The following IFI44L variants were observed in gnomAD, a reference collection of about 807,000 sequenced individuals.
IFI44L encodes interferon induced protein 44 like.
Under a neutral mutation model 39.3 loss-of-function variants are expected in IFI44L, and 40 were observed. The observed-to-expected ratio is 1.02, with a 90% CI of 0.79 to 1.33. IFI44L has a LOEUF of 1.33. IFI44L is among the 40% of genes most tolerant of loss of function. The pLI, the probability that IFI44L is intolerant of heterozygous loss-of-function variation, is 0.00. For synonymous variants in IFI44L, 198 were observed against 182.3 expected (o/e 1.09, Z -0.69); for missense variants, 623 against 549.0 (o/e 1.13, Z -1.35).
chr1:78,631,045 C>T (rs892594091), intron 4 of IFI44L, among the ~76,000 whole-genome samples: 17 of 152,076 alleles, frequency 1.1e-4, no homozygotes, highest in Admixed American at 9.2e-4. Context: ...AGATACTACT[C>T]AGGACAAAAT....
rs1647002497 is a variant in IFI44L at position 78,642,722 on chromosome 1, A to G, written c.*913A>G. 1 of 152,216 alleles carries G rather than the reference A, an allele frequency of 6.6e-6. No homozygotes were observed. The highest frequency in any genetic ancestry group is 1.5e-5 in the Non-Finnish European group (1 of 68,024). The allele number at this position is 152,216 out of a possible 1,614,324, so 9.4% of individuals were successfully genotyped here. ...TGAATGACTCTAAGTAATTGAATTA[A>G]TTAAAATGAGCCAACTTTTTTTTAA... is the stretch of plus-strand genomic sequence containing the variant. On this transcript the variant is annotated 3_prime_UTR_variant, in exon 9 of 9. Coordinates refer to ENST00000370751, the MANE Select transcript of IFI44L (RefSeq NM_006820.4).
Position 78,645,001 on chromosome 1 carries a change from A to G in IFI44L, c.*3192A>G, listed in dbSNP as rs1410832870. On this transcript the variant is annotated 3_prime_UTR_variant, in exon 9 of 9. Transcript: ENST00000370751. ...TGAGTTCTATGAGGTATGCAGGCCC[A>G]GAGAGACATAAGTATGTTCCTTTAG... is the stretch of plus-strand genomic sequence containing the variant. 1.3e-5 allele frequency: 2 copies of G among 152,224 alleles called. No homozygotes were observed. The highest frequency in any genetic ancestry group is 1.3e-4 in the Admixed American group (2 of 15,276). 9.4% of individuals were successfully genotyped at this position (152,224 alleles called of 1,614,324 possible).
intron 1 of IFI44L, among the ~76,000 whole-genome samples, chr1:78,625,469 A>T (rs910382585): frequency 3.3e-5 from 5 of 152,018 alleles, no homozygotes; most frequent in African/African-American, 1.2e-4. Flanking sequence ...CATTTATTGC[A>T]TCTGGACTGA....
Position 78,641,464 on chromosome 1 carries a change from T to G in IFI44L, c.1179T>G (p.Ile393Met), listed in dbSNP as rs565080810. 103 of 1,613,616 alleles carry G rather than the reference T, an allele frequency of 6.4e-5. 1 individual carries two copies. The South Asian group carries it at 1.0e-3, about 16-fold the overall frequency. ...TGAATGTCCATAAAATGCTAGGCAT[T>G]CCTATTTCCAATATTTTGATGGTTG... is the stretch of plus-strand genomic sequence containing the variant. ...RVMNVHKMLGIPISNILMVGN... is the reference protein window; with the variant it reads ...RVMNVHKMLGMPISNILMVGN... The change falls in exon 8 of 9, where the codon ATT (isoleucine) becomes ATG (methionine). Residue 393 changes from isoleucine to methionine, a missense_variant. Transcript: ENST00000370751.
In IFI44L at chr1:78,643,649, G is replaced by GT. The variant is rs1647013451; in HGVS notation, c.*1842dup. The GT allele has an allele frequency of 2.2e-5, 2 of 90,522 alleles. No individual in the cohort carries two copies. The highest frequency in any genetic ancestry group is 3.1e-5 in the African/African-American group (1 of 32,250). 5.6% of individuals were successfully genotyped at this position (90,522 alleles called of 1,614,324 possible). On this transcript the variant is annotated 3_prime_UTR_variant, in exon 9 of 9. Transcript: ENST00000370751. ...TTGTTTGTTTTGTTTTTTTTTTGTT[G>GT]TTGTTTTTTTTTTTTTTTGTTTTTT...
Position 78,625,341 on chromosome 1 carries a change from A to G in IFI44L, c.-10-2565A>G, listed in dbSNP as rs1210408130. ...TTTAAAAATAGCTATGAGATAGTCA[A>G]ATTTTGTATTTACTTTTATGTCAGC... On this transcript the variant is annotated intron_variant, in intron 1 of 8. Coordinates refer to ENST00000370751, the MANE Select transcript of IFI44L (RefSeq NM_006820.4). Among the ~76,000 whole-genome samples, 4 of 152,066 alleles carry G rather than the reference A, an allele frequency of 2.6e-5. No individual in the cohort carries two copies. In the East Asian group the frequency reaches 7.7e-4, roughly 29 times the overall value.
In IFI44L at chr1:78,637,152, T is replaced by C. The variant is rs1463453170; in HGVS notation, c.997T>C (p.Ser333Pro). Reference sequence around the variant, plus strand: ...CATCAACTCTATTGACAATCTCTACTCTAAAATGTTGGCAAAAGTGAAGCA... The same window carrying C: ...CATCAACTCTATTGACAATCTCTACCCTAAAATGTTGGCAAAAGTGAAGCA... ...LDINSIDNLY[S>P]KMLAKVKQVH... is the part of the protein sequence containing the mutation. The change falls in exon 6 of 9, where the codon TCT (serine) becomes CCT (proline). Residue 333 changes from serine (S) to proline (P), a missense_variant. Physicochemically the swap from Ser to Pro is moderately conservative, Grantham distance 74. Transcript: ENST00000370751. 1 of 1,609,720 alleles carries C rather than the reference T, an allele frequency of 6.2e-7. No individual in the cohort carries two copies. Among genetic ancestry groups the C allele is most frequent in the East Asian group, 2.2e-5 (1 of 44,682 alleles).
At position 78,643,160 on chromosome 1, in the gene IFI44L, T is replaced by TTTTTTTTTTTTTTTTTTTTTTGAG. The variant is rs1367397714; in HGVS notation, c.*1351_*1352insTTTTTTTTTTTTTTTTTTTTTGAG. 1.3e-5 allele frequency: 2 copies of TTTTTTTTTTTTTTTTTTTTTTGAG among 151,870 alleles called. No individual in the cohort carries two copies. The highest frequency in any genetic ancestry group is 2.9e-5 in the Non-Finnish European group (2 of 67,976). The allele number at this position is 151,870 out of a possible 1,614,324, so 9.4% of individuals were successfully genotyped here. ...AGATATTAAGAAAGCAAGAGTTTCT[T>TTTTTTTTTTTTTTTTTTTTTTGAG]ATGTCCAGTTATGGAATATTTCCTA... On this transcript the variant is annotated 3_prime_UTR_variant, in exon 9 of 9. Coordinates refer to ENST00000370751, the MANE Select transcript of IFI44L (RefSeq NM_006820.4).
chr1:78,627,036 A>G (rs1652515583), intron 1 of IFI44L: 1 of 151,962 alleles, frequency 6.6e-6, no homozygotes. Context: ...TATGATTTTT[A>G]TCTCCCTAAC....
intron 1 of IFI44L, among the ~76,000 whole-genome samples, chr1:78,624,916 G>T (rs1265844178): frequency 6.6e-6 from 1 of 152,012 alleles, no homozygotes; most frequent in Admixed American, 6.6e-5. Flanking sequence ...GTTATCTTGC[G>T]GTTCTTGCAG....
In IFI44L at chr1:78,641,450, A is replaced by G. The variant is rs1646982820; in HGVS notation, c.1165A>G (p.Lys389Glu). ...TSQSRVMNVHKMLGIPISNIL... is the reference protein window; with the variant it reads ...TSQSRVMNVHEMLGIPISNIL... ...CTTTCCACAGGTCATGAATGTCCAT[A>G]AAATGCTAGGCATTCCTATTTCCAA... is the stretch of plus-strand genomic sequence containing the variant. Residue 389 changes from lysine to glutamate, a missense_variant, in exon 8 of 9, where the codon AAA (lysine) becomes GAA (glutamate). By Grantham distance (56) the Lys-to-Glu change is moderately conservative. Coordinates refer to ENST00000370751, the MANE Select transcript of IFI44L (RefSeq NM_006820.4). The G allele has an allele frequency of 6.2e-7, 1 of 1,613,456 alleles. No individual in the cohort carries two copies. The highest frequency in any genetic ancestry group is 8.5e-7 in the Non-Finnish European group (1 of 1,179,522).
At chr1:78,640,313 T>A (rs1379414958) in intron 6 of IFI44L, among the ~76,000 whole-genome samples, 5 of 152,132 alleles carry the variant, frequency 3.3e-5, no homozygotes, top group Non-Finnish European at 7.4e-5. Context: ...AACTGAGAAC[T>A]GCTCTCTACC....
At chr1:78,639,108 C>T (rs1653059151) in intron 6 of IFI44L, among the ~76,000 whole-genome samples, 1 of 152,000 alleles carries the variant, frequency 6.6e-6, no homozygotes, top group African/African-American at 2.4e-5. Flanking sequence ...TTAATGAAGG[C>T]TAAAGTTCCA....
At chr1:78,638,126 C>T (rs1054532649) in intron 6 of IFI44L, among the ~76,000 whole-genome samples, 1 of 152,072 alleles carries the variant, frequency 6.6e-6, no homozygotes, top group Non-Finnish European at 1.5e-5. Flanking sequence ...AATTCCTTAA[C>T]TCTTCTAATA....
rs1647016389 is a variant in IFI44L at position 78,643,838 on chromosome 1, A to G, written c.*2029A>G. Reference sequence around the variant, plus strand: ...AGGGAAGTTAGTGCCTTGTGACCACATCTATGTGACTTTTAGGCAGTAAGA... The same window carrying G: ...AGGGAAGTTAGTGCCTTGTGACCACGTCTATGTGACTTTTAGGCAGTAAGA... On this transcript the variant is annotated 3_prime_UTR_variant, in exon 9 of 9. Coordinates refer to ENST00000370751, the MANE Select transcript of IFI44L (RefSeq NM_006820.4). 3.3e-5 allele frequency: 5 copies of G among 152,064 alleles called. No homozygotes were observed. In the South Asian group the frequency reaches 1.0e-3, roughly 32 times the overall value. The allele number at this position is 152,064 out of a possible 1,614,324, so 9.4% of individuals were successfully genotyped here.
intron 1 of IFI44L, among the ~76,000 whole-genome samples, chr1:78,621,814 A>T (rs1463758277): frequency 6.6e-6 from 1 of 152,110 alleles, no homozygotes; most frequent in Non-Finnish European, 1.5e-5. Context: ...GATACATAAT[A>T]CATTACATAT....
Position 78,645,302 on chromosome 1 carries a change from T to C in IFI44L, c.*3493T>C, listed in dbSNP as rs1289077466. On this transcript the variant is annotated 3_prime_UTR_variant, in exon 9 of 9. Transcript: ENST00000370751. ...TTCAGGACAACTTGTCTCCATACAG[T>C]TGGGTTGTAACCCTCATGCTTGGCC... 6.6e-6 allele frequency: 1 copy of C among 152,218 alleles called. No homozygotes were observed. Among genetic ancestry groups the C allele is most frequent in the Admixed American group, 6.5e-5 (1 of 15,276 alleles). 9.4% of individuals were successfully genotyped at this position (152,218 alleles called of 1,614,324 possible).
chr1:78,630,604 C>T (rs191586464), intron 4 of IFI44L, among the ~76,000 whole-genome samples: 1 of 152,036 alleles, frequency 6.6e-6, no homozygotes, highest in Admixed American at 6.6e-5. Flanking sequence ...TAGAATCAGG[C>T]TTTTTTAATG....
At chr1:78,632,855 A>C (rs2100493445) in intron 4 of IFI44L, among the ~76,000 whole-genome samples, 1 of 152,296 alleles carries the variant, frequency 6.6e-6, no homozygotes, top group South Asian at 2.1e-4. Context: ...GTTTTCTGTA[A>C]ATTTTTAAAA....
Sources: gnomAD v4.1 joint callset for allele counts (sites outside exome capture counted in the v4.1 genomes callset) on GRCh38, gnomAD v4.1.1 for gene constraint, MANE v1.5 for transcripts, NCBI Gene and HGNC (gene_info 2026-07-23, HGNC 2026-07-21) for gene names.